DLG2: variants seen among roughly 807,000 people sequenced by gnomAD.
DLG2 encodes disks large homolog 2.
A neutral mutation model predicts 132.5 loss-of-function variants in DLG2; 45 were observed. That is an observed-to-expected ratio of 0.34 (90% confidence interval 0.27 to 0.44). DLG2 has a LOEUF of 0.44. DLG2 is among the 20% of genes least tolerant of loss of function. The pLI, the probability that DLG2 is intolerant of heterozygous loss-of-function variation, is 1.00. For missense variants in DLG2, 1,045 were observed against 1,196.9 expected (o/e 0.87, Z 1.87); for synonymous variants, 424 against 419.6 (o/e 1.01, Z -0.13).
At chr11:84,267,010 T>C (rs2097647714) in intron 7 of DLG2, among the ~76,000 whole-genome samples, 1 of 152,170 alleles carries the variant, frequency 6.6e-6, no homozygotes, top group Non-Finnish European at 1.5e-5. Flanking sequence ...CAAATGCTTA[T>C]AATCCAAAGC....
chr11:84,640,019 T>G (rs1468995095), intron 6 of DLG2: 1 of 263,940 alleles, frequency 3.8e-6, no homozygotes, highest in African/African-American at 2.3e-5. Context: ...GCAATCAGAC[T>G]GTCGGCACTC....
intron 6 of DLG2, among the ~76,000 whole-genome samples, chr11:84,910,481 T>C (rs1405966800): frequency 6.6e-6 from 1 of 152,208 alleles, no homozygotes; most frequent in Non-Finnish European, 1.5e-5. Flanking sequence ...AATAAAAATT[T>C]AATAATTCAT....
chr11:84,413,810 G>C (rs1567569767), intron 7 of DLG2, among the ~76,000 whole-genome samples: 1 of 152,120 alleles, frequency 6.6e-6, no homozygotes, highest in African/African-American at 2.4e-5. Context: ...CCTTCTCCCT[G>C]ACAGATATGG....
intron 6 of DLG2, among the ~76,000 whole-genome samples, chr11:84,662,061 G>C (rs1477218704): frequency 6.6e-6 from 1 of 151,910 alleles, no homozygotes; most frequent in Admixed American, 6.6e-5. Context: ...ACCACAAATG[G>C]AAACACATGT....
intron 3 of DLG2, among the ~76,000 whole-genome samples, chr11:85,461,402 A>G (rs1263534597): frequency 6.6e-6 from 1 of 152,216 alleles, no homozygotes; most frequent in East Asian, 1.9e-4. Context: ...TATTTTTACA[A>G]GGAAAGAGAA....
At position 85,524,324 on chromosome 11, in the gene DLG2, C is replaced by T. The variant is rs952012305; in HGVS notation, c.40+74333G>A. 1.6e-4 allele frequency among the ~76,000 whole-genome samples: 25 copies of T among 152,094 alleles called. No individual in the cohort carries two copies. The East Asian group carries it at 4.8e-3, about 29-fold the overall frequency. On this transcript the variant is annotated intron_variant, in intron 3 of 27. Transcript: ENST00000376104. ...AATTTGCCCTAAGGAAATAATTTCACATTGTATGCCTGTATCAAAATATCT... is the reference window on the plus strand; with the variant it reads ...AATTTGCCCTAAGGAAATAATTTCATATTGTATGCCTGTATCAAAATATCT...
At chr11:83,900,420 G>A (rs1334648167) in intron 15 of DLG2, among the ~76,000 whole-genome samples, 1 of 152,158 alleles carries the variant, frequency 6.6e-6, no homozygotes, top group Non-Finnish European at 1.5e-5. Context: ...CAGAGCCAGA[G>A]GCCAAAGAGA....
chr11:85,182,724 G>C (rs1384138367), intron 4 of DLG2, among the ~76,000 whole-genome samples: 1 of 151,146 alleles, frequency 6.6e-6, no homozygotes, highest in South Asian at 2.1e-4. Context: ...GGAGATAGAA[G>C]GGTAGGAAGC....
At chr11:84,977,007 T>A (rs2055000121) in intron 6 of DLG2, among the ~76,000 whole-genome samples, 1 of 152,174 alleles carries the variant, frequency 6.6e-6, no homozygotes, top group Non-Finnish European at 1.5e-5. Flanking sequence ...ACAATGTAGC[T>A]ATATAGAATA....
intron 7 of DLG2, among the ~76,000 whole-genome samples, chr11:84,438,542 A>G (rs1233622362): frequency 6.6e-6 from 1 of 152,212 alleles, no homozygotes; most frequent in Non-Finnish European, 1.5e-5. Flanking sequence ...TGACTGAAAT[A>G]TCACCTTTGG....
intron 4 of DLG2, among the ~76,000 whole-genome samples, chr11:85,194,742 T>A (rs1464508949): frequency 6.6e-6 from 1 of 151,910 alleles, no homozygotes; most frequent in Non-Finnish European, 1.5e-5. Flanking sequence ...GTAGGGAGAA[T>A]AATGAGACAA....
intron 7 of DLG2, among the ~76,000 whole-genome samples, chr11:84,314,107 C>G (rs1268257982): frequency 6.6e-6 from 1 of 152,160 alleles, no homozygotes; most frequent in Non-Finnish European, 1.5e-5. Context: ...TCTGTTATAG[C>G]AGCTGGAAAT....
chr11:84,928,942 TATA>T (rs2047720888), intron 6 of DLG2, among the ~76,000 whole-genome samples: 1 of 141,344 alleles, frequency 7.1e-6, no homozygotes, highest in African/African-American at 2.6e-5. Context: ...ATGCAATACT[TATA>T]ATACTCTCTG....
chr11:84,490,649 CAA>C (rs5793124), intron 7 of DLG2, among the ~76,000 whole-genome samples: 121 of 68,918 alleles, frequency 1.8e-3, no homozygotes, highest in Middle Eastern at 6.9e-3. Context: ...CATATATGAG[CAA>C]AAAAAAAAAA....
At chr11:84,957,804 T>C (rs17147822) in intron 6 of DLG2, among the ~76,000 whole-genome samples, 3,823 of 152,292 alleles carry the variant, frequency 0.025, 176 homozygotes, top group African/African-American at 0.088. Flanking sequence ...GTATCATCTC[T>C]CACCATTGTC....
At chr11:84,111,105 CCTATT>C (rs1189356588) in intron 9 of DLG2, among the ~76,000 whole-genome samples, 6 of 152,034 alleles carry the variant, frequency 3.9e-5, no homozygotes, top group South Asian at 2.1e-4. Flanking sequence ...GTTTATTTTC[CCTATT>C]CTATTGTGAG....
intron 5 of DLG2, among the ~76,000 whole-genome samples, chr11:85,134,188 C>T (rs2075967403): frequency 6.6e-6 from 1 of 151,774 alleles, no homozygotes; most frequent in Non-Finnish European, 1.5e-5. Context: ...TGTCTAGGGA[C>T]CCATACACTT....
At chr11:84,067,203 G>A (rs557467525) in intron 10 of DLG2, among the ~76,000 whole-genome samples, 7 of 151,232 alleles carry the variant, frequency 4.6e-5, no homozygotes, top group South Asian at 2.1e-4. Flanking sequence ...GCATGGTGGC[G>A]GGCCTCTGTA....
intron 4 of DLG2, among the ~76,000 whole-genome samples, chr11:85,239,558 A>G (rs1175019904): frequency 6.6e-6 from 1 of 151,958 alleles, no homozygotes; most frequent in Non-Finnish European, 1.5e-5. Context: ...TATTTTTTAA[A>G]ATGTGCATAT....
Sources: allele counts gnomAD v4.1 joint callset (sites outside exome capture counted in the v4.1 genomes callset), GRCh38; gene constraint gnomAD v4.1.1; transcripts MANE v1.5; gene names NCBI Gene and HGNC (gene_info 2026-07-23, HGNC 2026-07-21).